Variants in FGF13 observed in about 807,000 individuals in gnomAD.
FGF13 encodes fibroblast growth factor homologous factor 2.
FGF13 carries 2 observed loss-of-function variants against 19.5 expected under a neutral mutation model. The ratio of observed to expected loss-of-function variants is 0.10; its 90% CI spans 0.04 to 0.32. The LOEUF is 0.32. Ranked by LOEUF, FGF13 falls within the 10% of genes least tolerant of loss-of-function variation. FGF13 has a pLI of 1.00. For missense variants in FGF13, 113 were observed against 192.7 expected (o/e 0.59, Z 2.45); for synonymous variants, 72 against 76.9 (o/e 0.94, Z 0.33).
intron 1 of FGF13, among the ~76,000 whole-genome samples, chrX:139,048,767 C>G (rs959235663): frequency 5.4e-5 from 6 of 110,448 alleles, no homozygotes; most frequent in Non-Finnish European, 1.1e-4. Flanking sequence ...TATTTTGCAC[C>G]AAGCCACCCA....
intron 3 of FGF13, among the ~76,000 whole-genome samples, chrX:138,811,768 C>G (rs2090927347): frequency 9.1e-6 from 1 of 110,072 alleles, no homozygotes; most frequent in South Asian, 3.9e-4. Flanking sequence ...TGTACCCTAT[C>G]CTACTTTCCC....
Position 138,711,325 on chromosome X carries a change from C to T in FGF13, c.-322G>A. The T allele has an allele frequency of 1.2e-6, 1 of 867,464 alleles. No individual in the cohort carries two copies. The highest frequency in any genetic ancestry group is 1.4e-6 in the Non-Finnish European group (1 of 707,424). 71.5% of individuals were successfully genotyped at this position (867,464 alleles called of 1,213,427 possible). On this transcript the variant is annotated 5_prime_UTR_variant, in exon 1 of 5. Transcript: ENST00000315930. ...CTGCGCGACTGCGTGTGGTCGGCCC[C>T]TGCGCCCGGCGGACACCGTGCATGT...
intron 1 of FGF13, among the ~76,000 whole-genome samples, chrX:139,128,471 T>C (rs777702103): frequency 6.1e-4 from 68 of 112,204 alleles, no homozygotes; most frequent in Non-Finnish European, 1.2e-3. Flanking sequence ...GCTTGTGCCA[T>C]CCTGTCTGGG....
intron 3 of FGF13, among the ~76,000 whole-genome samples, chrX:138,821,413 G>A (rs1239232539): frequency 4.5e-5 from 5 of 111,684 alleles, no homozygotes; most frequent in Non-Finnish European, 9.4e-5. Flanking sequence ...TGCCTGGAAC[G>A]ACTTGGGCAA....
At chrX:138,727,874 T>A (rs1196114114) in intron 1 of FGF13, among the ~76,000 whole-genome samples, 1 of 111,688 alleles carries the variant, frequency 9.0e-6, no homozygotes, top group East Asian at 2.8e-4. Context: ...TGTAACTCAT[T>A]TCAATTTTGT....
At chrX:138,638,077 C>T (rs1271906312) in intron 3 of FGF13, among the ~76,000 whole-genome samples, 11 of 111,071 alleles carry the variant, frequency 9.9e-5, no homozygotes, top group African/African-American at 1.3e-4. Flanking sequence ...CTCTACTTTG[C>T]GCCTTATTAC....
At chrX:138,946,010 G>A (rs928950323) in intron 1 of FGF13, among the ~76,000 whole-genome samples, 9 of 111,335 alleles carry the variant, frequency 8.1e-5, no homozygotes, top group African/African-American at 2.6e-4. Context: ...AAGAGTTATG[G>A]TGGTTTAAAG....
upstream of FGF13, among the ~76,000 whole-genome samples, chrX:138,715,035 A>C (rs1284194605): frequency 1.8e-5 from 2 of 111,359 alleles, no homozygotes; most frequent in Non-Finnish European, 3.8e-5. Context: ...CATATTTGTA[A>C]ATTTCAGTTA....
intron 1 of FGF13, among the ~76,000 whole-genome samples, chrX:139,114,545 T>C (rs895486163): frequency 9.0e-6 from 1 of 111,421 alleles, no homozygotes; most frequent in Non-Finnish European, 1.9e-5. Context: ...AGATAACACA[T>C]GGGCAAGGCA....
chrX:139,013,477 TTTTATATATATATATATATA>T (rs1432260723), intron 1 of FGF13, among the ~76,000 whole-genome samples: 4 of 64,746 alleles, frequency 6.2e-5, no homozygotes, highest in Admixed American at 2.3e-4. Context: ...ATAAAGAAAA[TTTTATATATATATATATATA>T]TATATATATA....
intron 1 of FGF13, among the ~76,000 whole-genome samples, chrX:139,067,089 T>G (rs1370170688): frequency 1.8e-5 from 2 of 111,775 alleles, no homozygotes; most frequent in Non-Finnish European, 3.8e-5. Flanking sequence ...CACCTCTTCA[T>G]GCTAAAAACT....
At chrX:138,652,856 A>T (rs917476989) in intron 3 of FGF13, among the ~76,000 whole-genome samples, 6 of 112,264 alleles carry the variant, frequency 5.3e-5, no homozygotes, top group African/African-American at 1.9e-4. Context: ...GCAAATCCTG[A>T]TGGCTAGTAA....
At chrX:139,110,407 G>A (rs781583564) in intron 1 of FGF13, among the ~76,000 whole-genome samples, 19 of 109,723 alleles carry the variant, frequency 1.7e-4, no homozygotes, top group Non-Finnish European at 3.4e-4. Context: ...ATTGAATCAC[G>A]GGGGCGGTTT....
At chrX:139,199,432 C>G (rs2084398678) in intron 1 of FGF13, among the ~76,000 whole-genome samples, 1 of 112,246 alleles carries the variant, frequency 8.9e-6, no homozygotes, top group African/African-American at 3.2e-5. Flanking sequence ...ATTTGAAGAA[C>G]TGCAACACAT....
rs1157742462 is a variant in FGF13, at chrX:138,893,095, A to T, written c.-112-28445T>A. Among the ~76,000 whole-genome samples, 3 of 111,511 alleles carry T rather than the reference A, an allele frequency of 2.7e-5. No homozygotes were observed. The Admixed American group carries it at 2.8e-4, about 11-fold the overall frequency. Reference sequence around the variant, plus strand: ...TCCATGCAACATTTGAAGCACAGGGATTAGAAGAGAAAGGGGACAATTAAG... The same window carrying T: ...TCCATGCAACATTTGAAGCACAGGGTTTAGAAGAGAAAGGGGACAATTAAG... On this transcript the variant is annotated intron_variant, in intron 1 of 2. Transcript: ENST00000421460.
At chrX:138,981,118 G>T (rs921572961) in intron 1 of FGF13, among the ~76,000 whole-genome samples, 1 of 111,306 alleles carries the variant, frequency 9.0e-6, no homozygotes, top group Non-Finnish European at 1.9e-5. Context: ...TGAGAACACA[G>T]AAAAGGGACA....
chrX:138,715,224 T>C (rs1457559337), upstream of FGF13, among the ~76,000 whole-genome samples: 1 of 111,339 alleles, frequency 9.0e-6, no homozygotes, highest in African/African-American at 3.3e-5. Flanking sequence ...TCCCAAAGAG[T>C]TCTAGCCTGG....
intron 1 of FGF13, among the ~76,000 whole-genome samples, chrX:138,936,145 C>T (rs1432732385): frequency 3.6e-5 from 4 of 112,350 alleles, no homozygotes; most frequent in South Asian, 3.7e-4. Flanking sequence ...TCTCTTGGGG[C>T]GAAGGCCCCA....
intron 1 of FGF13, among the ~76,000 whole-genome samples, chrX:139,011,043 A>T (rs2092125866): frequency 9.0e-6 from 1 of 111,538 alleles, no homozygotes; most frequent in South Asian, 3.8e-4. Flanking sequence ...CACATAAACT[A>T]TAAAACTTAG....
Sources: gnomAD v4.1 joint callset for allele counts (sites outside exome capture counted in the v4.1 genomes callset) on GRCh38, gnomAD v4.1.1 for gene constraint, MANE v1.5 for transcripts, NCBI Gene and HGNC (gene_info 2026-07-23, HGNC 2026-07-21) for gene names.